NRG2: variants seen among roughly 807,000 people sequenced by gnomAD.
The protein encoded by NRG2 is neuregulin 2, also known as pro-neuregulin-2, membrane-bound isoform.
Under a neutral mutation model 73.9 loss-of-function variants are expected in NRG2, and 27 were observed. That is an observed-to-expected ratio of 0.37 (90% CI 0.27 to 0.50). The LOEUF (loss-of-function observed/expected upper bound fraction) is 0.50. Among genes scored for constraint, NRG2 ranks in the 20% least tolerant of loss-of-function variants. The pLI is 0.96. For synonymous variants in NRG2, 532 were observed against 541.0 expected, an observed-to-expected ratio of 0.98 and a Z score of 0.23; for missense variants, 1,126 against 1,210.1, an observed-to-expected ratio of 0.93 and a Z score of 1.03.
At chr5:140,031,023 T>C (rs1359396534) in intron 1 of NRG2, among the ~76,000 whole-genome samples, 1 of 152,166 alleles carries the variant, frequency 6.6e-6, no homozygotes, top group Admixed American at 6.5e-5. Context: ...GAATCCAACC[T>C]AAGGGAAACT....
At chr5:139,959,867 A>G (rs912208990) in intron 1 of NRG2, among the ~76,000 whole-genome samples, 6 of 152,168 alleles carry the variant, frequency 3.9e-5, no homozygotes, top group Non-Finnish European at 8.8e-5. Context: ...GAGCATACTC[A>G]CTGTGCTAGC....
chr5:139,865,066 G>T lies in NRG2; in HGVS notation c.1189+483C>A. On this transcript the variant is annotated intron_variant, in intron 5 of 9. Transcript: ENST00000361474. This position sits in a 1 kb window ranked among gnomAD's most constrained non-coding sequence, Gnocchi z 5.2. ...GCAAGGCCCCATCCCTCCCCAGGGG[G>T]AGACTGTCAGTCACCAGGGAAGAGA... The T allele has an allele frequency of 6.6e-7, 1 of 1,509,134 alleles. No individual in the cohort carries two copies. Among genetic ancestry groups the T allele is most frequent in the Non-Finnish European group, 9.2e-7 (1 of 1,084,552 alleles). 93.5% of individuals were successfully genotyped at this position (1,509,134 alleles called of 1,614,324 possible).
intron 1 of NRG2, among the ~76,000 whole-genome samples, chr5:140,040,824 T>C (rs559684276): frequency 6.6e-6 from 1 of 152,314 alleles, no homozygotes; most frequent in East Asian, 1.9e-4. Flanking sequence ...TCTACTTGTC[T>C]TTATAAAACA....
chr5:139,916,375 A>G (rs891560000), intron 1 of NRG2, among the ~76,000 whole-genome samples: 2 of 152,140 alleles, frequency 1.3e-5, no homozygotes, highest in Non-Finnish European at 2.9e-5. Context: ...TCCCCTTATA[A>G]CTGCATTTTT....
intron 1 of NRG2, among the ~76,000 whole-genome samples, chr5:139,987,309 A>C (rs888787459): frequency 7.0e-6 from 1 of 142,760 alleles, no homozygotes; most frequent in Non-Finnish European, 1.5e-5. Context: ...CGGAAGTTGC[A>C]GTGAGCTGAG....
At chr5:139,980,729 T>C (rs1005745311) in intron 1 of NRG2, among the ~76,000 whole-genome samples, 2 of 152,228 alleles carry the variant, frequency 1.3e-5, no homozygotes, top group African/African-American at 2.4e-5. Flanking sequence ...CTACAATCAG[T>C]TGGCTTCAAT....
chr5:139,999,675 C>T (rs116014337), intron 1 of NRG2, among the ~76,000 whole-genome samples: 163 of 152,318 alleles, frequency 1.1e-3, no homozygotes, highest in African/African-American at 3.7e-3. Flanking sequence ...CTCCAAACAT[C>T]GGTCCCTCCT....
At chr5:140,020,086 T>G (rs1760103954) in intron 1 of NRG2, among the ~76,000 whole-genome samples, 1 of 152,236 alleles carries the variant, frequency 6.6e-6, no homozygotes, top group Non-Finnish European at 1.5e-5. Flanking sequence ...ATTTTTCATC[T>G]GTATACTCTG....
intron 1 of NRG2, among the ~76,000 whole-genome samples, chr5:139,888,772 G>A (rs1351013400): frequency 1.3e-5 from 2 of 152,062 alleles, no homozygotes; most frequent in Admixed American, 6.6e-5. Context: ...AATGATTCTC[G>A]TAAAATAATT....
At position 139,848,472 on chromosome 5, in the gene NRG2, G is replaced by A; in HGVS notation, c.1998C>T (p.Pro666=). 7.5e-7 allele frequency: 1 copy of A among 1,331,300 alleles called. No homozygotes were observed. Among genetic ancestry groups the A allele is most frequent in the Non-Finnish European group, 9.5e-7 (1 of 1,055,880 alleles). 82.5% of individuals were successfully genotyped at this position (1,331,300 alleles called of 1,614,324 possible). A position where few individuals can be genotyped will look rare whatever the true frequency, so the allele number is the denominator to read the frequency against. ...PGPGPGPGPG[P]GADMQRSYDS... ...CATAGCTGCGCTGCATGTCTGCGCC[G>A]GGCCCGGGCCCGGGCCCGGGTCCGG... is the stretch of plus-strand genomic sequence containing the variant. The change falls in exon 10 of 10, where the codon CCC becomes CCT. Residue 666 remains proline, a synonymous_variant. Coordinates refer to ENST00000361474, the MANE Select transcript of NRG2 (RefSeq NM_004883.3).
chr5:139,920,752 GACAAA>G (rs561547280), intron 1 of NRG2, among the ~76,000 whole-genome samples: 9 of 151,990 alleles, frequency 5.9e-5, no homozygotes, highest in Admixed American at 1.3e-4. Flanking sequence ...GAATACTCCA[GACAAA>G]ACAAAACAAA....
chr5:139,904,238 G>C lies in NRG2; in HGVS notation c.701-16727C>G. ...GCCTAGACTCACCCGCGCTGCGCTG[G>C]GGGCGGGTGAGCGGGCGGCAGGTTT... On this transcript the variant is annotated intron_variant, in intron 1 of 9. Transcript: ENST00000361474. This position sits in a 1 kb window ranked among gnomAD's most constrained non-coding sequence, Gnocchi z 6.0. The C allele has an allele frequency of 6.6e-7, 1 of 1,509,886 alleles. No homozygotes were observed. The highest frequency in any genetic ancestry group is 8.9e-7 in the Non-Finnish European group (1 of 1,128,340). The allele number at this position is 1,509,886 out of a possible 1,614,324, so 93.5% of individuals were successfully genotyped here. A position where few individuals can be genotyped will look rare whatever the true frequency, so the allele number is the denominator to read the frequency against.
intron 1 of NRG2, among the ~76,000 whole-genome samples, chr5:139,996,298 G>C (rs1308548407): frequency 6.6e-6 from 1 of 152,126 alleles, no homozygotes; most frequent in Admixed American, 6.5e-5. Context: ...ATAAACTTCT[G>C]CAAAAATGAT....
chr5:139,982,859 G>A (rs1756914843), intron 1 of NRG2, among the ~76,000 whole-genome samples: 1 of 152,194 alleles, frequency 6.6e-6, no homozygotes. Flanking sequence ...ATGAATGGGG[G>A]AAATTTTATG....
chr5:139,886,616 C>T (rs1194174732), intron 2 of NRG2, among the ~76,000 whole-genome samples: 1 of 152,146 alleles, frequency 6.6e-6, no homozygotes, highest in African/African-American at 2.4e-5. Flanking sequence ...AGGGGTTTTC[C>T]CCCTTGCTTC....
rs1413580371 is a variant in NRG2, at chr5:140,042,699, G to A, written c.371C>T (p.Ala124Val). The change falls in exon 1 of 10, where the codon GCG becomes GTG. Residue 124 changes from alanine to valine, a missense_variant. By Grantham distance (64) the Ala-to-Val change is moderately conservative (BLOSUM62 0). This residue lies in a region of NRG2 where 539 missense variants were observed against 703.2 expected (regional missense o/e 0.77). Coordinates refer to ENST00000361474, the MANE Select transcript of NRG2 (RefSeq NM_004883.3). ...SPSLKSVQDQ[A>V]YKAPVVVEGK... ...CTCCACCACCACGGGTGCCTTGTAC[G>A]CCTGGTCCTGCACTGACTTGAGGCT... 6.3e-6 allele frequency: 10 copies of A among 1,578,732 alleles called. No individual in the cohort carries two copies. Among genetic ancestry groups the A allele is most frequent in the Non-Finnish European group, 6.9e-6 (8 of 1,162,752 alleles).
chr5:139,912,226 G>T (rs2127197414), intron 1 of NRG2, among the ~76,000 whole-genome samples: 1 of 152,292 alleles, frequency 6.6e-6, no homozygotes, highest in African/African-American at 2.4e-5. Context: ...ATTCAACCCA[G>T]GCTGGCAAAT....
chr5:139,848,770 G>GGGGC, intron 9 of NRG2, 73 bp from the exon 10 acceptor site: 1 of 159,412 alleles, frequency 6.3e-6, no homozygotes, highest in Non-Finnish European at 1.2e-5. Context: ...TGGGGGTGGG[G>GGGGC]TAGGGTGGGA....
At chr5:139,938,949 GA>G (rs1330047394) in intron 1 of NRG2, among the ~76,000 whole-genome samples, 45 of 105,212 alleles carry the variant, frequency 4.3e-4, no homozygotes, top group African/African-American at 1.7e-3. Context: ...AAGAAAGAAA[GA>G]AAGAAAGAAA....
Sources: allele counts gnomAD v4.1 joint callset (sites outside exome capture counted in the v4.1 genomes callset), GRCh38; gene constraint gnomAD v4.1.1; regional missense constraint gnomAD v4.1.1; non-coding constraint Gnocchi (gnomAD v3.1); transcripts MANE v1.5; gene names NCBI Gene and HGNC (gene_info 2026-07-23, HGNC 2026-07-21).